Variants in EPHA4 observed in about 807,000 individuals in gnomAD.
The protein encoded by EPHA4 is EPH receptor A4.
In EPHA4, 19 loss-of-function variants were observed where a neutral mutation model predicts 108.3. That is an observed-to-expected ratio of 0.18 (90% CI 0.12 to 0.26). EPHA4 has a LOEUF of 0.26. Ranked by LOEUF, EPHA4 falls within the 10% of genes least tolerant of loss-of-function variation. The probability of loss-of-function intolerance (pLI) is 1.00; values close to 1 mark genes in which losing one functional copy is unlikely to be tolerated. For missense variants in EPHA4, 917 were observed against 1,254.0 expected, an observed-to-expected ratio of 0.73 and a Z score of 4.06; for synonymous variants, 449 against 455.5, an observed-to-expected ratio of 0.99 and a Z score of 0.18.
Position 221,457,926 on chromosome 2 carries a change from C to G in EPHA4, c.1383G>C (p.Trp461Cys). The part of the protein sequence containing the change: ...EVTRYSVALA[W>C]LEPDRPNGVI... Reference sequence around the variant, plus strand: ...CCCCATTGGGCCGATCTGGTTCCAGCCAAGCCAGTGCCACACTGTATCTTG... The same window carrying G: ...CCCCATTGGGCCGATCTGGTTCCAGGCAAGCCAGTGCCACACTGTATCTTG... Residue 461 changes from tryptophan to cysteine, a missense_variant, in exon 6 of 18, where the codon TGG becomes TGC. Trp to Cys is a radical substitution (Grantham distance 215). This residue lies in a region of EPHA4 where 758 missense variants were observed against 1,076.7 expected (regional missense o/e 0.70). Coordinates refer to ENST00000281821, the MANE Select transcript of EPHA4 (RefSeq NM_004438.5). 6.2e-7 allele frequency: 1 copy of G among 1,613,870 alleles called. No homozygotes were observed. Among genetic ancestry groups the G allele is most frequent in the Non-Finnish European group, 8.5e-7 (1 of 1,179,818 alleles).
chr2:221,559,957 C>A (rs538514871), intron 3 of EPHA4, among the ~76,000 whole-genome samples: 24 of 152,308 alleles, frequency 1.6e-4, no homozygotes, highest in Admixed American at 7.2e-4. Flanking sequence ...AGGGCAAAGC[C>A]ACCATCCCCC....
intron 3 of EPHA4, among the ~76,000 whole-genome samples, chr2:221,558,641 G>C (rs893942561): frequency 6.6e-5 from 10 of 151,936 alleles, no homozygotes; most frequent in African/African-American, 2.4e-4. Flanking sequence ...ATCAAATCTT[G>C]AATACCATAT....
chr2:221,426,019 AG>A lies in EPHA4; in HGVS notation c.*8del. 1 of 1,612,014 alleles carries A rather than the reference AG, an allele frequency of 6.2e-7. No homozygotes were observed. ...AATTTCAAGAGTTTTGAGTTTATTC[AG>A]TACTGGCTCAGACGGGAACCATTCT... On this transcript the variant is annotated 3_prime_UTR_variant, in exon 17 of 18. Transcript: ENST00000281821.
intron 13 of EPHA4, among the ~76,000 whole-genome samples, chr2:221,435,520 C>T (rs1038225576): frequency 6.6e-6 from 1 of 151,916 alleles, no homozygotes; most frequent in Non-Finnish European, 1.5e-5. Flanking sequence ...CAACAAAAAA[C>T]CCCCATTGCT....
Position 221,563,989 on chromosome 2 carries a change from C to G in EPHA4, c.565G>C (p.Gly189Arg), listed in dbSNP as rs748965921. 11 of 1,614,004 alleles carry G rather than the reference C, an allele frequency of 6.8e-6. No homozygotes were observed. The highest frequency in any genetic ancestry group is 8.5e-6 in the Non-Finnish European group (10 of 1,179,996). Residue 189 changes from glycine (G) to arginine (R), a missense_variant, in exon 3 of 18, where the codon GGG (glycine) becomes CGG (arginine). By Grantham distance (125) the Gly-to-Arg change is moderately radical. Around this residue, in one of 3 missense-constraint regions of EPHA4, gnomAD observed 758 missense variants for 1,076.7 expected, o/e 0.70. Transcript: ENST00000281821. ...ACTGATACCAGGGCGATGCAGGCCCCCACATCCTGAAAAGCCAGGTAAAAC... is the reference window on the plus strand; with the variant it reads ...ACTGATACCAGGGCGATGCAGGCCCGCACATCCTGAAAAGCCAGGTAAAAC... Reference protein sequence around the residue: ...KGFYLAFQDVGACIALVSVRV... With the variant: ...KGFYLAFQDVRACIALVSVRV...
rs751734937 is a variant in EPHA4, at chr2:221,437,114, C to G, written c.2083G>C (p.Val695Leu). Residue 695 changes from valine (V) to leucine (L), a missense_variant, in exon 12 of 18, where the codon GTA becomes CTA. Transcript: ENST00000281821. ...LEGVVTKCKP[V>L]MIITEYMENG... ...TCCATGTACTCTGTTATGATCATTACTGGTTTACCTAGAGTTTTCAGAAAG... is the reference window on the plus strand; with the variant it reads ...TCCATGTACTCTGTTATGATCATTAGTGGTTTACCTAGAGTTTTCAGAAAG... 1 of 1,611,976 alleles carries G rather than the reference C, an allele frequency of 6.2e-7. No individual in the cohort carries two copies. Among genetic ancestry groups the G allele is most frequent in the African/African-American group, 1.3e-5 (1 of 74,896 alleles).
chr2:221,555,736 T>G lies in EPHA4; in HGVS notation c.823+7995A>C, dbSNP rs547508048. 1.3e-4 allele frequency among the ~76,000 whole-genome samples: 20 copies of G among 152,286 alleles called. No individual in the cohort carries two copies. In the South Asian group the frequency reaches 3.3e-3, roughly 25 times the overall value. On this transcript the variant is annotated intron_variant, in intron 3 of 17. Transcript: ENST00000281821. ...TACAGGGGACAGCTGAGGCCTTCTT[T>G]AATCATTCCTTCTCACGAGCACAGT...
intron 5 of EPHA4, among the ~76,000 whole-genome samples, chr2:221,477,462 T>C (rs1156976355): frequency 6.6e-6 from 1 of 152,146 alleles, no homozygotes; most frequent in Middle Eastern, 3.2e-3. Context: ...GGATGCTGTG[T>C]TGTGAATTAT....
intron 3 of EPHA4, among the ~76,000 whole-genome samples, chr2:221,548,735 A>G (rs1284847002): frequency 2.6e-5 from 4 of 152,156 alleles, no homozygotes; most frequent in African/African-American, 9.7e-5. Context: ...CATCTTTTCT[A>G]TGTTACAAGA....
At position 221,520,173 on chromosome 2, in the gene EPHA4, C is replaced by T. The variant is rs1031599628; in HGVS notation, c.824-19001G>A. Among the ~76,000 whole-genome samples the T allele has an allele frequency of 3.9e-5, 6 of 152,252 alleles. No individual in the cohort carries two copies. The East Asian group carries it at 1.2e-3, about 29-fold the overall frequency. On this transcript the variant is annotated intron_variant, in intron 3 of 17. Coordinates refer to ENST00000281821, the MANE Select transcript of EPHA4 (RefSeq NM_004438.5). ...ATTCAACCAGAAGAACAGAGAAGCT[C>T]AAAGCCTCTCATAGCCAGCCCCAAT...
chr2:221,475,115 C>T (rs533221788), intron 5 of EPHA4, among the ~76,000 whole-genome samples: 1 of 152,174 alleles, frequency 6.6e-6, no homozygotes, highest in Admixed American at 6.5e-5. Context: ...AAGTGATCCA[C>T]TCGCCCTAGC....
intron 3 of EPHA4, among the ~76,000 whole-genome samples, chr2:221,516,935 T>G (rs1206703240): frequency 2.6e-5 from 4 of 152,230 alleles, no homozygotes; most frequent in Non-Finnish European, 5.9e-5. Context: ...ACTCCTGTGC[T>G]CTTTTTGTCA....
intron 9 of EPHA4, among the ~76,000 whole-genome samples, chr2:221,445,361 G>A (rs1835349): frequency 0.34 from 52,262 of 151,706 alleles, 10,702 homozygotes; most frequent in African/African-American, 0.58. Context: ...AGGCCGAGGC[G>A]GGCGGATCAC....
chr2:221,565,608 T>C (rs942430508), intron 2 of EPHA4, among the ~76,000 whole-genome samples: 2 of 152,190 alleles, frequency 1.3e-5, no homozygotes, highest in African/African-American at 4.8e-5. Context: ...AACTATGCAC[T>C]GGCAAACTCT....
intron 3 of EPHA4, among the ~76,000 whole-genome samples, chr2:221,528,980 A>AAACAAC (rs538267906): frequency 4.4e-4 from 67 of 152,216 alleles, no homozygotes; most frequent in Admixed American, 1.1e-3. Flanking sequence ...AAACAAAACA[A>AAACAAC]AACAACAACA....
chr2:221,542,603 T>C (rs569675300), intron 3 of EPHA4, among the ~76,000 whole-genome samples: 1 of 152,304 alleles, frequency 6.6e-6, no homozygotes, highest in South Asian at 2.1e-4. Flanking sequence ...GTCCAAGCCA[T>C]TATATAAAAA....
At chr2:221,561,058 C>A (rs968373712) in intron 3 of EPHA4, among the ~76,000 whole-genome samples, 2 of 152,078 alleles carry the variant, frequency 1.3e-5, no homozygotes, top group Non-Finnish European at 1.5e-5. Flanking sequence ...CTGGCTAACA[C>A]GGTGAAACCC....
intron 5 of EPHA4, among the ~76,000 whole-genome samples, chr2:221,471,303 C>T: frequency 6.6e-6 from 1 of 152,060 alleles, no homozygotes; most frequent in South Asian, 2.1e-4. Context: ...ACAGGGGCCT[C>T]TCTCATGAAC....
intron 5 of EPHA4, among the ~76,000 whole-genome samples, chr2:221,468,380 TAGCTGCTATGCATCA>T (rs1691378168): frequency 6.6e-6 from 1 of 152,200 alleles, no homozygotes; most frequent in Non-Finnish European, 1.5e-5. Context: ...AGGAAAGGAT[TAGCTGCTATGCATCA>T]AGGCTTCTAT....
Sources: gnomAD v4.1 joint callset for allele counts (sites outside exome capture counted in the v4.1 genomes callset) on GRCh38, gnomAD v4.1.1 for gene constraint, gnomAD v4.1.1 regional missense constraint, MANE v1.5 for transcripts, NCBI Gene and HGNC (gene_info 2026-07-23, HGNC 2026-07-21) for gene names.